Variants in PEX6 observed in about 807,000 individuals in gnomAD.
PEX6 encodes the protein peroxisome biogenesis factor 6.
PEX6 carries 55 observed loss-of-function variants against 85.6 expected under a neutral mutation model. The ratio of observed to expected loss-of-function variants is 0.64; its 90% CI spans 0.52 to 0.80. The LOEUF (loss-of-function observed/expected upper bound fraction) is 0.80, where lower values mean the gene tolerates loss of function less well. Among genes scored for constraint, PEX6 ranks in the 30% least tolerant of loss-of-function variants. The probability of loss-of-function intolerance (pLI) is 0.00; values close to 1 mark genes in which losing one functional copy is unlikely to be tolerated. For synonymous variants in PEX6, 519 were observed against 549.1 expected (o/e 0.95, Z 0.77); for missense variants, 1,099 against 1,260.3 (o/e 0.87, Z 1.94).
rs1440258328 is a variant in PEX6 at position 42,978,627 on chromosome 6, C to A, written c.524G>T (p.Arg175Leu). The change falls in exon 1 of 17, where the codon CGG (arginine) becomes CTG (leucine). Residue 175 changes from arginine to leucine, a missense_variant. Arg to Leu is a moderately radical substitution (Grantham distance 102, BLOSUM62 -2). Transcript: ENST00000304611. ...GGACACCACGGGCGGGGGTGGGGGC[C>A]GACTGCTGTCCCCAGACTCTGGACA... ...RLCPESGDSS[R>L]PPPPPVVSSF... 6.3e-7 allele frequency: 1 copy of A among 1,590,558 alleles called. No homozygotes were observed. Among genetic ancestry groups the A allele is most frequent in the African/African-American group, 1.3e-5 (1 of 74,536 alleles).
chr6:42,963,889 GTTTA>G lies in PEX6; in HGVS notation c.*442_*445del, dbSNP rs144286892. 391,962 of 662,130 alleles carry G rather than the reference GTTTA, an allele frequency of 0.59. 121,301 individuals carry two copies. Among genetic ancestry groups the G allele is most frequent in the African/African-American group, 0.92 (50,316 of 54,882 alleles). The allele number at this position is 662,130 out of a possible 1,614,324, so 41.0% of individuals were successfully genotyped here. A position where few individuals can be genotyped will look rare whatever the true frequency, so the allele number is the denominator to read the frequency against. ...CTTTTTCAGTTCCTGCATGCATTGT[GTTTA>G]TTTATGTCAGAAGGATCAGGCTCCC... On this transcript the variant is annotated 3_prime_UTR_variant, in exon 17 of 17. Transcript: ENST00000304611.
chr6:42,976,035 T>A (rs1454310679), intron 1 of PEX6, among the ~76,000 whole-genome samples: 1 of 151,710 alleles, frequency 6.6e-6, no homozygotes, highest in Non-Finnish European at 1.5e-5. Flanking sequence ...ACGACAGGCA[T>A]GTGCCACCAC....
Position 42,978,496 on chromosome 6 carries a change from G to A in PEX6, c.655C>T (p.Gln219Ter). The A allele has an allele frequency of 6.2e-7, 1 of 1,614,182 alleles. No homozygotes were observed. The highest frequency in any genetic ancestry group is 1.3e-5 in the African/African-American group (1 of 75,040). ...TGGGCCACCCACACCCATTCGCCCT[G>A]GAAGAGGCCAAGGCCACGGAGACAG... ...RSCLRGLGLF[Q>*]GEWVWVAQAR... Residue 219 changes from glutamine to a stop codon, truncating the protein, a stop_gained, in exon 1 of 17, where the codon CAG becomes TAG. Transcript: ENST00000304611. LOFTEE classifies it high-confidence loss of function.
At position 42,964,319 on chromosome 6, in the gene PEX6, A is replaced by C; in HGVS notation, c.*16T>G. On this transcript the variant is annotated 3_prime_UTR_variant, in exon 17 of 17. Coordinates refer to ENST00000304611, the MANE Select transcript of PEX6 (RefSeq NM_000287.4). The surrounding 1 kb of genome is among the most constrained non-coding windows in gnomAD (Gnocchi z 4.6). ...CTGCAGCCATGCTGAGCGGGGTCCCAGACCCTGGGGGGCTCCTAGCAGGCA... is the reference window on the plus strand; with the variant it reads ...CTGCAGCCATGCTGAGCGGGGTCCCCGACCCTGGGGGGCTCCTAGCAGGCA... 2 of 1,613,388 alleles carry C rather than the reference A, an allele frequency of 1.2e-6. No individual in the cohort carries two copies. Among genetic ancestry groups the C allele is most frequent in the Non-Finnish European group, 8.5e-7 (1 of 1,179,902 alleles).
Position 42,965,918 on chromosome 6 carries a change from G to T in PEX6, c.2362+126C>A. ...GCATCCCAGGTACTAGACCCAGCTG[G>T]GCAGGAACCTGACTTGTAGAAAGGA... On this transcript the variant is annotated intron_variant, in intron 12 of 16. Transcript: ENST00000304611. This position sits in a 1 kb window ranked among gnomAD's most constrained non-coding sequence, Gnocchi z 5.0. 1 of 1,347,894 alleles carries T rather than the reference G, an allele frequency of 7.4e-7. No homozygotes were observed. 83.5% of individuals were successfully genotyped at this position (1,347,894 alleles called of 1,614,324 possible).
At chr6:42,970,669 GA>G (rs1414948523) in intron 3 of PEX6, among the ~76,000 whole-genome samples, 68 of 152,260 alleles carry the variant, frequency 4.5e-4, no homozygotes, top group African/African-American at 1.6e-3. Context: ...ACAACCTTAT[GA>G]ATAAAAAAAT....
rs116208944 is a variant in PEX6 at position 42,967,722 on chromosome 6, G to A, written c.1689-159C>T. Among the ~76,000 whole-genome samples the A allele has an allele frequency of 4.5e-3, 678 of 152,206 alleles. 9 individuals are homozygous for A. The highest frequency in any genetic ancestry group is 0.015 in the African/African-American group (626 of 41,536). ...ACCCCAGTTCCTAGATGGGGGAACTGTGTTTCCCCCATCACATTGAGGGCA... is the reference window on the plus strand; with the variant it reads ...ACCCCAGTTCCTAGATGGGGGAACTATGTTTCCCCCATCACATTGAGGGCA... On this transcript the variant is annotated intron_variant, in intron 7 of 16. Coordinates refer to ENST00000304611, the MANE Select transcript of PEX6 (RefSeq NM_000287.4).
Position 42,964,554 on chromosome 6 carries a change from C to G in PEX6, c.2807-83G>C, listed in dbSNP as rs944549811. On this transcript the variant is annotated intron_variant, in intron 16 of 16. Transcript: ENST00000304611. The surrounding 1 kb of genome is among the most constrained non-coding windows in gnomAD (Gnocchi z 4.6). ...GAAGGTGGCTTCCTGCTCAGGGTCT[C>G]CTAGATGTCAATGATCTTCCCTCTG... 3.8e-5 allele frequency: 58 copies of G among 1,517,468 alleles called. No homozygotes were observed. In the African/African-American group the frequency reaches 7.4e-4, roughly 19 times the overall value. 94.0% of individuals were successfully genotyped at this position (1,517,468 alleles called of 1,614,324 possible). A position where few individuals can be genotyped will look rare whatever the true frequency, so the allele number is the denominator to read the frequency against.
chr6:42,974,007 G>A lies in PEX6; in HGVS notation c.1126C>T (p.Pro376Ser). Reference protein sequence around the residue: ...EILEGSPEKLPRWREMFFKVK... With the variant: ...EILEGSPEKLSRWREMFFKVK... ...GGACAGAAGGCAGCTGCATACCTGG[G>A]CAGTTTCTCTGGACTTCCTTCCAGG... The change falls in exon 3 of 17, where the codon CCC becomes TCC. Residue 376 changes from proline (P) to serine (S), a missense_variant. Around this residue, in one of 3 missense-constraint regions of PEX6, gnomAD observed 579 missense variants for 611.6 expected, o/e 0.95. Transcript: ENST00000304611. 2 of 1,612,346 alleles carry A rather than the reference G, an allele frequency of 1.2e-6. No homozygotes were observed. The highest frequency in any genetic ancestry group is 1.7e-6 in the Non-Finnish European group (2 of 1,178,380).
chr6:42,967,958 T>TG (rs1769903510), intron 7 of PEX6, among the ~76,000 whole-genome samples: 1 of 150,348 alleles, frequency 6.7e-6, no homozygotes. Context: ...TTTTTTTTTT[T>TG]TTTTTAAGAC....
chr6:42,977,768 C>CAAAAAAAAAAAAAAAAAAAAAAAAAAAAA (rs200706906), intron 1 of PEX6, among the ~76,000 whole-genome samples: 2 of 51,720 alleles, frequency 3.9e-5, no homozygotes, highest in Non-Finnish European at 6.8e-5. Context: ...GACCCCATCT[C>CAAAAAAAAAAAAAAAAAAAAAAAAAAAAA]AAAAAAAAAA....
intron 5 of PEX6, 28 bp from the exon 6 acceptor site, chr6:42,969,013 C>A: frequency 6.6e-7 from 1 of 1,505,346 alleles, no homozygotes; most frequent in South Asian, 1.1e-5. Flanking sequence ...ACATTCGTCT[C>A]CTTCATTTTG....
Position 42,965,415 on chromosome 6 carries a change from A to G in PEX6, c.2472-47T>C. 1 of 1,378,000 alleles carries G rather than the reference A, an allele frequency of 7.3e-7. No homozygotes were observed. The highest frequency in any genetic ancestry group is 1.0e-6 in the Non-Finnish European group (1 of 966,706). 85.4% of individuals were successfully genotyped at this position (1,378,000 alleles called of 1,614,324 possible). ...CAAGAGTCCTTGGTGTCCCCCTTAGACTCTGCCCCTGCCTGTGGTACCTCT... is the reference window on the plus strand; with the variant it reads ...CAAGAGTCCTTGGTGTCCCCCTTAGGCTCTGCCCCTGCCTGTGGTACCTCT... On this transcript the variant is annotated intron_variant, in intron 13 of 16. Transcript: ENST00000304611. This position sits in a 1 kb window ranked among gnomAD's most constrained non-coding sequence, Gnocchi z 5.0.
At chr6:42,968,751 A>G (rs977799763) in intron 6 of PEX6, 123 bp downstream of exon 6, 13 of 840,322 alleles carry the variant, frequency 1.5e-5, no homozygotes, top group Admixed American at 1.7e-5. Flanking sequence ...TGCCTGACCC[A>G]CTGGGCTGAA....
intron 7 of PEX6, 107 bp downstream of exon 7, chr6:42,968,183 C>G (rs911999165): frequency 1.1e-6 from 1 of 903,312 alleles, no homozygotes; most frequent in African/African-American, 1.6e-5. Flanking sequence ...CTGATCAAGG[C>G]AGGTGATCCA....
In PEX6 at chr6:42,964,711, TCTCAAGTAGCTGGGA is replaced by T. The variant is rs559464887; in HGVS notation, c.2806+64_2806+78del. 97 of 1,578,842 alleles carry T rather than the reference TCTCAAGTAGCTGGGA, an allele frequency of 6.1e-5. No homozygotes were observed. The East Asian group carries it at 2.0e-3, about 33-fold the overall frequency. On this transcript the variant is annotated intron_variant, in intron 16 of 16. Coordinates refer to ENST00000304611, the MANE Select transcript of PEX6 (RefSeq NM_000287.4). This position sits in a 1 kb window ranked among gnomAD's most constrained non-coding sequence, Gnocchi z 4.6. ...CTCAAGCGATCCTCCCACCTCAGCC[TCTCAAGTAGCTGGGA>T]CTCAGGTGCACCCAGCTCCCCACTA...
chr6:42,974,993 AGC>A lies in PEX6; in HGVS notation c.926_927del (p.Cys309PhefsTer25), dbSNP rs1770228582. 1 of 1,613,732 alleles carries A rather than the reference AGC, an allele frequency of 6.2e-7. No individual in the cohort carries two copies. The highest frequency in any genetic ancestry group is 8.5e-7 in the Non-Finnish European group (1 of 1,179,872). On this transcript the variant is annotated frameshift_variant, in exon 2 of 17. Coordinates refer to ENST00000304611, the MANE Select transcript of PEX6 (RefSeq NM_000287.4). LOFTEE classifies it high-confidence loss of function. ...GSIAPEDKGSCSLLPGPPFAR... is the reference protein window; with the variant it reads ...GSIAPEDKGSXSLLPGPPFAR... ...GCAAATGGAGGCCCAGGCAGCAATG[AGC>A]AGCTTCCTTTGTCTTCAGGGGCGAT...
rs773647973 is a variant in PEX6 at position 42,979,162 on chromosome 6, A to C, written c.-12T>G. 1.9e-6 allele frequency: 3 copies of C among 1,574,732 alleles called. No homozygotes were observed. The highest frequency in any genetic ancestry group is 2.6e-6 in the Non-Finnish European group (3 of 1,168,976). On this transcript the variant is annotated 5_prime_UTR_variant, in exon 1 of 17. Coordinates refer to ENST00000304611, the MANE Select transcript of PEX6 (RefSeq NM_000287.4). ...ACAGCCAGCGCCATGGTGACAGGAC[A>C]CCAACGAGGAGGGTGAAGGAGCGCA...
At chr6:42,969,354 G>A (rs1264782781) in intron 5 of PEX6, among the ~76,000 whole-genome samples, 1 of 152,168 alleles carries the variant, frequency 6.6e-6, no homozygotes, top group East Asian at 1.9e-4. Context: ...TGTCCTTCAG[G>A]GCCAGGGCAG....
Sources: gnomAD v4.1 joint callset for allele counts (sites outside exome capture counted in the v4.1 genomes callset) on GRCh38, gnomAD v4.1.1 for gene constraint, gnomAD v4.1.1 regional missense constraint, Gnocchi (gnomAD v3.1) non-coding constraint, MANE v1.5 for transcripts, NCBI Gene and HGNC (gene_info 2026-07-23, HGNC 2026-07-21) for gene names.